The following KCTD2 variants were observed in gnomAD, a reference collection of about 807,000 sequenced individuals.
The protein encoded by KCTD2 is BTB/POZ domain-containing protein KCTD2.
A neutral mutation model predicts 27.9 loss-of-function variants in KCTD2; 18 were observed. The observed-to-expected ratio is 0.64, with a 90% CI of 0.45 to 0.96. The LOEUF (loss-of-function observed/expected upper bound fraction) is 0.96. Ranked by LOEUF, KCTD2 falls within the 40% of genes least tolerant of loss-of-function variation. The probability of loss-of-function intolerance (pLI) is 0.00; values close to 1 mark genes in which losing one functional copy is unlikely to be tolerated. For synonymous variants in KCTD2, 175 were observed against 148.4 expected (o/e 1.18, Z -1.30); for missense variants, 280 against 348.0 (o/e 0.80, Z 1.56).
rs2040076701 is a variant in KCTD2 at position 75,032,643 on chromosome 17, C to G, written c.-551C>G. The stretch of plus-strand genomic sequence containing the variant: ...CAGGAGAGGGAATGGAAACCTGGAG[C>G]TGGGAGTGAGGTTAGAGCTGTAAGA... On this transcript the variant is annotated 5_prime_UTR_variant, in exon 1 of 8. Coordinates refer to the KCTD2 transcript ENST00000581589. The surrounding 1 kb of genome is among the most constrained non-coding windows in gnomAD (Gnocchi z 4.8). The G allele has an allele frequency of 6.6e-6, 1 of 152,428 alleles. No homozygotes were observed. The highest frequency in any genetic ancestry group is 2.1e-4 in the South Asian group (1 of 4,796). 9.4% of individuals were successfully genotyped at this position (152,428 alleles called of 1,614,324 possible). A position where few individuals can be genotyped will look rare whatever the true frequency, so the allele number is the denominator to read the frequency against.
At chr17:75,055,842 A>G (rs949258207) in intron 3 of KCTD2, among the ~76,000 whole-genome samples, 14 of 151,374 alleles carry the variant, frequency 9.2e-5, no homozygotes, top group Non-Finnish European at 1.5e-4. Context: ...TAAAAAAAAA[A>G]AAAGAAAGAA....
At chr17:75,046,674 GCTTGTGGCAGCGC>G (rs1425881862), upstream of KCTD2, among the ~76,000 whole-genome samples, 3 of 152,256 alleles carry the variant, frequency 2.0e-5, no homozygotes, top group Non-Finnish European at 2.9e-5. Context: ...ACGAGACACG[GCTTGTGGCAGCGC>G]CTACATCAGC....
Position 75,062,233 on chromosome 17 carries a change from C to T in KCTD2, c.750C>T (p.Ser250=), listed in dbSNP as rs146327952. 1.6e-5 allele frequency: 26 copies of T among 1,612,008 alleles called. No individual in the cohort carries two copies. Among genetic ancestry groups the T allele is most frequent in the Non-Finnish European group, 1.8e-5 (21 of 1,179,296 alleles). Reference sequence around the variant, plus strand: ...CCAATGGCATCGTCATAGAGCCGAGCGAAAAGGCGAAGGTAAGGAGCCCCT... The same window carrying T: ...CCAATGGCATCGTCATAGAGCCGAGTGAAAAGGCGAAGGTAAGGAGCCCCT... ...NSTNGIVIEP[S]EKAKILQERG... Residue 250 remains serine, a synonymous_variant, in exon 5 of 6, where the codon AGC becomes AGT. Transcript: ENST00000322444.
rs72844533 is a variant in KCTD2 at position 75,049,400 on chromosome 17, A to G, written c.448+72A>G. ...CTTTAAAGTTGTTTTACAGATTTCA[A>G]TTTTGTTTGACATTTTCATCAGGCG... On this transcript the variant is annotated intron_variant, in intron 2 of 5. Coordinates refer to ENST00000322444, the MANE Select transcript of KCTD2 (RefSeq NM_015353.3). 5,166 of 1,016,550 alleles carry G rather than the reference A, an allele frequency of 5.1e-3. 22 individuals are homozygous for G. The highest frequency in any genetic ancestry group is 7.9e-3 in the Middle Eastern group (38 of 4,810). 63.0% of individuals were successfully genotyped at this position (1,016,550 alleles called of 1,614,324 possible).
At chr17:75,049,504 G>A (rs2073263728) in intron 2 of KCTD2, among the ~76,000 whole-genome samples, 176 bp downstream of exon 2, 1 of 152,204 alleles carries the variant, frequency 6.6e-6, no homozygotes, top group Non-Finnish European at 1.5e-5. Flanking sequence ...GATTAAGGAA[G>A]CCTCCTTAGG....
At position 75,063,251 on chromosome 17, in the gene KCTD2, A is replaced by G. The variant is rs1216535202; in HGVS notation, c.*204A>G. On this transcript the variant is annotated 3_prime_UTR_variant, in exon 6 of 6. Coordinates refer to ENST00000322444, the MANE Select transcript of KCTD2 (RefSeq NM_015353.3). ...AAGACAGTGCGACTTCTGGCTGCAG[A>G]ATACCTTTTCAGAAACCTGCTTTCA... The G allele has an allele frequency of 4.8e-5, 29 of 609,112 alleles. No individual in the cohort carries two copies. In the East Asian group the frequency reaches 6.7e-4, roughly 14 times the overall value. The allele number at this position is 609,112 out of a possible 1,614,324, so 37.7% of individuals were successfully genotyped here.
intron 2 of KCTD2, among the ~76,000 whole-genome samples, chr17:75,051,754 A>G (rs957780602): frequency 6.6e-6 from 1 of 152,086 alleles, no homozygotes; most frequent in Non-Finnish European, 1.5e-5. Flanking sequence ...ATACTGTTTT[A>G]TGTAACCACA....
chr17:75,043,491 T>G (rs1177712053), upstream of KCTD2, among the ~76,000 whole-genome samples: 1 of 151,840 alleles, frequency 6.6e-6, no homozygotes, highest in South Asian at 2.1e-4. Flanking sequence ...CATGCACCTG[T>G]AGTCCCAGGT....
chr17:75,035,728 G>A (rs1205592258), intron 3 of KCTD2, among the ~76,000 whole-genome samples: 2 of 152,186 alleles, frequency 1.3e-5, no homozygotes, highest in African/African-American at 4.8e-5. Flanking sequence ...TACTCAGGAG[G>A]CGGAGGCAGC....
chr17:75,044,899 G>A (rs2073197667), upstream of KCTD2, among the ~76,000 whole-genome samples: 2 of 152,202 alleles, frequency 1.3e-5, no homozygotes, highest in South Asian at 4.1e-4. Context: ...TCTCAGGACA[G>A]CCTGTTTCCT....
At chr17:75,033,924 A>C (rs573689219) in intron 1 of KCTD2, 1 of 152,384 alleles carries the variant, frequency 6.6e-6, no homozygotes, top group Admixed American at 6.5e-5. Context: ...GGCCTAATGG[A>C]TAAGGCACTG....
rs2073234745 is a variant in KCTD2, at chr17:75,047,363, G to T, written c.113G>T (p.Gly38Val). The T allele has an allele frequency of 1.8e-6, 2 of 1,129,032 alleles. No individual in the cohort carries two copies. Among genetic ancestry groups the T allele is most frequent in the Non-Finnish European group, 1.1e-6 (1 of 923,206 alleles). 69.9% of individuals were successfully genotyped at this position (1,129,032 alleles called of 1,614,324 possible). Residue 38 changes from glycine to valine, a missense_variant, in exon 1 of 6, where the codon GGC (glycine) becomes GTC (valine). Coordinates refer to ENST00000322444, the MANE Select transcript of KCTD2 (RefSeq NM_015353.3). ...VRGPPSPRPA[G>V]PTPRGHGRPA... ...GGGCCCCCCAGCCCACGCCCGGCTGGCCCCACGCCCCGCGGGCACGGCCGC... is the reference window on the plus strand; with the variant it reads ...GGGCCCCCCAGCCCACGCCCGGCTGTCCCCACGCCCCGCGGGCACGGCCGC...
intron 1 of KCTD2, 38 bp downstream of exon 1, chr17:75,047,627 AC>A (rs774858538): frequency 7.0e-6 from 11 of 1,576,520 alleles, no homozygotes; most frequent in Non-Finnish European, 8.6e-6. Flanking sequence ...GGGCCTTCGA[AC>A]CCCCTGGTTT....
chr17:75,061,274 C>T (rs2073401789), intron 4 of KCTD2, among the ~76,000 whole-genome samples: 1 of 152,216 alleles, frequency 6.6e-6, no homozygotes, highest in Non-Finnish European at 1.5e-5. Context: ...TGCCCTCACC[C>T]TCTGCCTGAG....
At position 75,047,322 on chromosome 17, in the gene KCTD2, G is replaced by A. The variant is rs1161327565; in HGVS notation, c.72G>A (p.Gly24=). The change falls in exon 1 of 6, where the codon GGG becomes GGA. Residue 24 remains glycine (G), a synonymous_variant. Transcript: ENST00000322444. ...GCGGCGGGAGTGGGGTGGGCGACGG[G>A]GGTGGCCCAGTCCGCGGGCCCCCCA... ...GGGGGSGVGD[G]GGPVRGPPSP... 2.5e-5 allele frequency: 29 copies of A among 1,160,996 alleles called. No homozygotes were observed. The highest frequency in any genetic ancestry group is 4.1e-5 in the South Asian group (1 of 24,120). 71.9% of individuals were successfully genotyped at this position (1,160,996 alleles called of 1,614,324 possible).
At chr17:75,061,009 C>CCTCCA (rs1437096660) in intron 4 of KCTD2, among the ~76,000 whole-genome samples, 2 of 152,302 alleles carry the variant, frequency 1.3e-5, no homozygotes, top group East Asian at 3.9e-4. Context: ...AGTTTAATGC[C>CCTCCA]CTCCACTCCA....
intron 2 of KCTD2, among the ~76,000 whole-genome samples, chr17:75,034,541 G>A (rs781008234): frequency 3.9e-5 from 6 of 152,182 alleles, no homozygotes; most frequent in Non-Finnish European, 4.4e-5. Context: ...CTTGATAGGT[G>A]TTCAACCATA....
chr17:75,036,045 A>AT (rs58323152), intron 3 of KCTD2: 23,814 of 432,612 alleles, frequency 0.055, 687 homozygotes, highest in African/African-American at 0.12. Context: ...ATAAATGCTA[A>AT]TTTTTTTTTT....
Position 75,053,112 on chromosome 17 carries a change from T to C in KCTD2, c.540+7T>C, listed in dbSNP as rs749449907. 6.2e-7 allele frequency: 1 copy of C among 1,606,146 alleles called. No individual in the cohort carries two copies. The highest frequency in any genetic ancestry group is 8.5e-7 in the Non-Finnish European group (1 of 1,172,904). The stretch of plus-strand genomic sequence containing the variant: ...TGAGAACAGAACTTCACAAGTAATG[T>C]ATTTGGAACTGTTAAGGAGGGTTGT... On this transcript the variant is annotated splice_region_variant and intron_variant, in intron 3 of 5. Coordinates refer to ENST00000322444, the MANE Select transcript of KCTD2 (RefSeq NM_015353.3).
Sources: gnomAD v4.1 joint callset for allele counts (sites outside exome capture counted in the v4.1 genomes callset) on GRCh38, gnomAD v4.1.1 for gene constraint, Gnocchi (gnomAD v3.1) non-coding constraint, MANE v1.5 for transcripts, NCBI Gene and HGNC (gene_info 2026-07-23, HGNC 2026-07-21) for gene names.